The following NDUFS4 variants were observed in gnomAD, a reference collection of about 807,000 sequenced individuals.
NDUFS4 encodes NADH:ubiquinone oxidoreductase subunit S4.
Under a neutral mutation model 24.3 loss-of-function variants are expected in NDUFS4, and 28 were observed. The observed-to-expected ratio is 1.15, with a 90% CI of 0.85 to 1.58. The LOEUF is 1.58. NDUFS4 is among the 40% of genes most tolerant of loss of function. The probability of loss-of-function intolerance (pLI) is 0.00; values close to 1 mark genes in which losing one functional copy is unlikely to be tolerated. For missense variants in NDUFS4, 223 were observed against 207.9 expected, an observed-to-expected ratio of 1.07 and a Z score of -0.45; for synonymous variants, 93 against 69.7, an observed-to-expected ratio of 1.34 and a Z score of -1.67.
intron 2 of NDUFS4, among the ~76,000 whole-genome samples, chr5:53,613,983 A>G (rs1420909929): frequency 6.6e-6 from 1 of 152,064 alleles, no homozygotes; most frequent in Non-Finnish European, 1.5e-5. Flanking sequence ...AGATTATTAC[A>G]TTGTATTTCA....
chr5:53,615,096 T>C (rs1200507318), intron 2 of NDUFS4, among the ~76,000 whole-genome samples: 2 of 151,936 alleles, frequency 1.3e-5, no homozygotes, highest in Non-Finnish European at 2.9e-5. Context: ...ATGCTTTATT[T>C]TACACTCTAT....
At chr5:53,595,163 T>C (rs1750095574) in intron 1 of NDUFS4, among the ~76,000 whole-genome samples, 1 of 152,190 alleles carries the variant, frequency 6.6e-6, no homozygotes. Context: ...ACAGGTATTT[T>C]AATTACAGTA....
intron 1 of NDUFS4, among the ~76,000 whole-genome samples, chr5:53,593,671 A>T (rs533509881): frequency 5.8e-4 from 87 of 151,214 alleles, no homozygotes; most frequent in African/African-American, 2.0e-3. Flanking sequence ...CTTCTTTTCT[A>T]ATATATGCAT....
chr5:53,582,241 A>AAAATAAAATTAAATT lies in NDUFS4; in HGVS notation c.99-21207_99-21206insAAAATTAAATTAAAT, dbSNP rs1554054139. Among the ~76,000 whole-genome samples the AAAATAAAATTAAATT allele has an allele frequency of 6.5e-3, 871 of 134,142 alleles. 10 individuals carry two copies. The highest frequency in any genetic ancestry group is 0.022 in the African/African-American group (833 of 38,082). The allele number at this position is 134,142 out of a possible 152,430, so 88.0% of individuals were successfully genotyped here. On this transcript the variant is annotated intron_variant, in intron 1 of 4. Coordinates refer to ENST00000296684, the MANE Select transcript of NDUFS4 (RefSeq NM_002495.4). ...AAAATAAAATAAAATAAAATAAAAT[A>AAAATAAAATTAAATT]AAATTAAATTAAAATAAAAATAAAT...
chr5:53,607,995 T>C (rs933826716), intron 2 of NDUFS4, among the ~76,000 whole-genome samples: 11 of 152,112 alleles, frequency 7.2e-5, no homozygotes, highest in Admixed American at 1.3e-4. Context: ...TATTGTTTTC[T>C]TCATTTTAAT....
chr5:53,593,454 T>A (rs758416323), intron 1 of NDUFS4, among the ~76,000 whole-genome samples: 1 of 151,932 alleles, frequency 6.6e-6, no homozygotes, highest in Non-Finnish European at 1.5e-5. Context: ...TTTGTTAACC[T>A]GACTAAAGGT....
At chr5:53,598,578 A>G (rs1750202070) in intron 1 of NDUFS4, among the ~76,000 whole-genome samples, 1 of 152,176 alleles carries the variant, frequency 6.6e-6, no homozygotes, top group Non-Finnish European at 1.5e-5. Context: ...AAGGCAGAGG[A>G]GTTGAGATTT....
intron 4 of NDUFS4, among the ~76,000 whole-genome samples, chr5:53,682,236 A>AACAGG (rs1740690825): frequency 6.6e-6 from 1 of 152,162 alleles, no homozygotes; most frequent in East Asian, 1.9e-4. Context: ...GTTTTAGGAG[A>AACAGG]ACTAAAGAAC....
intron 3 of NDUFS4, among the ~76,000 whole-genome samples, chr5:53,648,522 C>T (rs1751926114): frequency 6.6e-6 from 1 of 152,206 alleles, no homozygotes; most frequent in Non-Finnish European, 1.5e-5. Context: ...AGAATAAATA[C>T]CAGGTCAGAT....
chr5:53,620,657 T>G (rs1751005422), intron 2 of NDUFS4, among the ~76,000 whole-genome samples: 1 of 152,192 alleles, frequency 6.6e-6, no homozygotes, highest in African/African-American at 2.4e-5. Flanking sequence ...TTCTACCTAT[T>G]CTTACATTCA....
At chr5:53,645,989 C>T (rs1183677462) in intron 2 of NDUFS4, among the ~76,000 whole-genome samples, 2 of 152,212 alleles carry the variant, frequency 1.3e-5, no homozygotes, top group East Asian at 1.9e-4. Context: ...GACAAAAGGG[C>T]GTAAATTTTT....
At chr5:53,596,407 T>C (rs1435419779) in intron 1 of NDUFS4, among the ~76,000 whole-genome samples, 1 of 152,190 alleles carries the variant, frequency 6.6e-6, no homozygotes, top group Non-Finnish European at 1.5e-5. Context: ...TACTCCAGCG[T>C]AGGTGATAAA....
chr5:53,670,529 CTTT>C (rs1752635169), intron 4 of NDUFS4, among the ~76,000 whole-genome samples: 1 of 151,328 alleles, frequency 6.6e-6, no homozygotes, highest in African/African-American at 2.4e-5. Flanking sequence ...TACATATTTC[CTTT>C]TATTTAATGT....
intron 4 of NDUFS4, among the ~76,000 whole-genome samples, chr5:53,676,733 A>G (rs1323653621): frequency 1.3e-5 from 2 of 152,240 alleles, no homozygotes; most frequent in Non-Finnish European, 2.9e-5. Context: ...TTAGAAATGT[A>G]TGTTACGGGA....
At chr5:53,682,376 A>C (rs541048785) in intron 4 of NDUFS4, among the ~76,000 whole-genome samples, 207 of 152,030 alleles carry the variant, frequency 1.4e-3, no homozygotes, top group Admixed American at 3.0e-3. Flanking sequence ...AGCGGCCCTT[A>C]CTTTTTTATG....
intron 1 of NDUFS4, among the ~76,000 whole-genome samples, chr5:53,598,648 A>T (rs903871904): frequency 6.6e-6 from 1 of 152,172 alleles, no homozygotes; most frequent in Non-Finnish European, 1.5e-5. Context: ...TTTATCTCAT[A>T]TTGTTATCAA....
At chr5:53,657,151 T>A (rs1752185567) in intron 3 of NDUFS4, among the ~76,000 whole-genome samples, 1 of 152,210 alleles carries the variant, frequency 6.6e-6, no homozygotes, top group African/African-American at 2.4e-5. Context: ...TAAGCCAATG[T>A]GCCTGTCAAC....
intron 3 of NDUFS4, among the ~76,000 whole-genome samples, chr5:53,646,790 T>C (rs1270172264): frequency 6.6e-6 from 1 of 152,202 alleles, no homozygotes; most frequent in Non-Finnish European, 1.5e-5. Flanking sequence ...ACCCTTAATA[T>C]AACTTTTCTT....
intron 1 of NDUFS4, among the ~76,000 whole-genome samples, chr5:53,582,254 A>ATT (rs754311378): frequency 0.15 from 21,769 of 150,010 alleles, 1,837 homozygotes; most frequent in Non-Finnish European, 0.19. Flanking sequence ...ATTAAATTAA[A>ATT]ATAAAAATAA....
Sources: gnomAD v4.1 joint callset for allele counts (sites outside exome capture counted in the v4.1 genomes callset) on GRCh38, gnomAD v4.1.1 for gene constraint, MANE v1.5 for transcripts, NCBI Gene and HGNC (gene_info 2026-07-23, HGNC 2026-07-21) for gene names.